Variants in SYT10 observed in about 807,000 individuals in gnomAD.
SYT10 encodes synaptotagmin 10.
Under a neutral mutation model 51.1 loss-of-function variants are expected in SYT10, and 31 were observed. That is an observed-to-expected ratio of 0.61 (90% CI 0.46 to 0.82). The LOEUF is 0.82. Among genes scored for constraint, SYT10 ranks in the 40% least tolerant of loss-of-function variants. The pLI is 0.00. For missense variants in SYT10, 603 were observed against 634.0 expected (o/e 0.95, Z 0.53); for synonymous variants, 233 against 225.9 (o/e 1.03, Z -0.28).
intron 3 of SYT10, among the ~76,000 whole-genome samples, chr12:33,393,845 G>A (rs80309378): frequency 0.038 from 5,820 of 152,208 alleles, 168 homozygotes; most frequent in Non-Finnish European, 0.064. Flanking sequence ...CCTGCCTCAT[G>A]TTTCATATAG....
chr12:33,408,846 C>G (rs1866381421), intron 2 of SYT10, among the ~76,000 whole-genome samples: 1 of 149,534 alleles, frequency 6.7e-6, no homozygotes, highest in African/African-American at 2.6e-5. Flanking sequence ...GTCACTCATG[C>G]TTCCAAGAAT....
chr12:33,381,841 A>G (rs1459828198), intron 5 of SYT10, among the ~76,000 whole-genome samples: 3 of 152,224 alleles, frequency 2.0e-5, no homozygotes, highest in Non-Finnish European at 4.4e-5. Context: ...GAAGGCATCA[A>G]AGCTGTATCC....
chr12:33,407,223 T>A lies in SYT10; in HGVS notation c.643A>T (p.Lys215Ter). ...SIGRIKPELY[K>*]QKSVDSEGNQ... Reference sequence around the variant, plus strand: ...CCCTCAGAGTCAACTGATTTCTGTTTGTAGAGTTCTGGCTTTATCCTCCCA... The same window carrying A: ...CCCTCAGAGTCAACTGATTTCTGTTAGTAGAGTTCTGGCTTTATCCTCCCA... The change falls in exon 3 of 7, where the codon AAA becomes TAA. Residue 215 changes from lysine (K) to a stop codon, truncating the protein, a stop_gained. Coordinates refer to ENST00000228567, the MANE Select transcript of SYT10 (RefSeq NM_198992.4). LOFTEE classifies it high-confidence loss of function. The A allele has an allele frequency of 6.2e-7, 1 of 1,614,202 alleles. No individual in the cohort carries two copies. The highest frequency in any genetic ancestry group is 8.5e-7 in the Non-Finnish European group (1 of 1,180,034).
At chr12:33,424,802 C>T (rs1452336336) in intron 2 of SYT10, among the ~76,000 whole-genome samples, 1 of 151,684 alleles carries the variant, frequency 6.6e-6, no homozygotes, top group Non-Finnish European at 1.5e-5. Flanking sequence ...AGTTACATTA[C>T]ATAAAGATCA....
rs1468849207 is a variant in SYT10 at position 33,379,981 on chromosome 12, A to G, written c.1371-20T>C. ...CCTACCCTATGATTTGTGGGATATTATATTTTCATTTCCAACATTCAAAGA... is the reference window on the plus strand; with the variant it reads ...CCTACCCTATGATTTGTGGGATATTGTATTTTCATTTCCAACATTCAAAGA... On this transcript the variant is annotated intron_variant, in intron 5 of 6. Coordinates refer to ENST00000228567, the MANE Select transcript of SYT10 (RefSeq NM_198992.4). 11 of 1,579,096 alleles carry G rather than the reference A, an allele frequency of 7.0e-6. No homozygotes were observed. The highest frequency in any genetic ancestry group is 1.8e-5 in the Admixed American group (1 of 55,468).
At chr12:33,378,953 G>A (rs980958388) in intron 6 of SYT10, among the ~76,000 whole-genome samples, 5 of 151,952 alleles carry the variant, frequency 3.3e-5, no homozygotes, top group South Asian at 4.2e-4. Context: ...AGATATTGAC[G>A]ATGACAGTTC....
chr12:33,436,733 G>C (rs1351579307), intron 1 of SYT10, among the ~76,000 whole-genome samples: 1 of 152,130 alleles, frequency 6.6e-6, no homozygotes, highest in Non-Finnish European at 1.5e-5. Flanking sequence ...GGAATTACCT[G>C]AATTTCTCTC....
chr12:33,399,932 C>T (rs1405263959), intron 3 of SYT10, among the ~76,000 whole-genome samples: 5 of 152,074 alleles, frequency 3.3e-5, no homozygotes, highest in Non-Finnish European at 7.4e-5. Flanking sequence ...CCAGGTTTAT[C>T]GCAGAGATGA....
intron 2 of SYT10, among the ~76,000 whole-genome samples, chr12:33,419,026 G>A (rs976951923): frequency 1.3e-5 from 2 of 151,996 alleles, no homozygotes; most frequent in Non-Finnish European, 2.9e-5. Context: ...ACGGGTTCTA[G>A]CTTCAGGGCC....
At chr12:33,419,951 A>T (rs1380083160) in intron 2 of SYT10, among the ~76,000 whole-genome samples, 1 of 152,200 alleles carries the variant, frequency 6.6e-6, no homozygotes, top group African/African-American at 2.4e-5. Flanking sequence ...CTAGAAGGTC[A>T]TGTGACCATA....
rs12300600 is a variant in SYT10, at chr12:33,377,872, C to A, written c.1501-971G>T. 8.5e-3 allele frequency among the ~76,000 whole-genome samples: 1,296 copies of A among 152,126 alleles called. 21 individuals carry two copies. The highest frequency in any genetic ancestry group is 0.03 in the African/African-American group (1,233 of 41,530). ...TGAACTCCTGACCTCAAGTGATCCA[C>A]CCGCCTCAGCCTCCCAAAGTGCTGG... On this transcript the variant is annotated intron_variant, in intron 6 of 6. Coordinates refer to ENST00000228567, the MANE Select transcript of SYT10 (RefSeq NM_198992.4).
intron 3 of SYT10, among the ~76,000 whole-genome samples, chr12:33,402,912 A>G (rs1866318658): frequency 6.6e-6 from 1 of 152,144 alleles, no homozygotes; most frequent in Admixed American, 6.5e-5. Flanking sequence ...TATAATTAGC[A>G]TGAAGAAGGA....
chr12:33,424,218 G>A (rs1396698617), intron 2 of SYT10, among the ~76,000 whole-genome samples: 6 of 152,114 alleles, frequency 3.9e-5, no homozygotes, highest in Non-Finnish European at 8.8e-5. Context: ...GCAAAAAGAA[G>A]TCTTTGCTCA....
intron 3 of SYT10, among the ~76,000 whole-genome samples, chr12:33,400,384 T>C (rs1219767101): frequency 4.6e-5 from 7 of 152,210 alleles, no homozygotes; most frequent in Admixed American, 3.9e-4. Context: ...TCCAATACTC[T>C]GAATTGCTGA....
At chr12:33,417,321 G>A (rs1390513322) in intron 2 of SYT10, among the ~76,000 whole-genome samples, 1 of 150,632 alleles carries the variant, frequency 6.6e-6, no homozygotes, top group African/African-American at 2.4e-5. Flanking sequence ...GGAGCTGCTG[G>A]CTTTATAAGA....
intron 3 of SYT10, among the ~76,000 whole-genome samples, chr12:33,387,044 T>C (rs1866162543): frequency 6.6e-6 from 1 of 152,156 alleles, no homozygotes; most frequent in Non-Finnish European, 1.5e-5. Flanking sequence ...CCATGCCTGG[T>C]AAGAAATTTG....
At chr12:33,389,422 T>C (rs1227024085) in intron 3 of SYT10, among the ~76,000 whole-genome samples, 1 of 152,106 alleles carries the variant, frequency 6.6e-6, no homozygotes, top group Non-Finnish European at 1.5e-5. Context: ...ATATCAAACA[T>C]GTAAAGTGCC....
chr12:33,417,240 A>G (rs1466001778), intron 2 of SYT10, among the ~76,000 whole-genome samples: 1 of 152,172 alleles, frequency 6.6e-6, no homozygotes, highest in African/African-American at 2.4e-5. Context: ...GCTCTGCCTC[A>G]TGAATGGATT....
intron 2 of SYT10, among the ~76,000 whole-genome samples, chr12:33,417,292 T>C (rs2138424829): frequency 6.6e-6 from 1 of 152,132 alleles, no homozygotes; most frequent in South Asian, 2.1e-4. Flanking sequence ...TTAATAGATT[T>C]GTGGATGATC....
Sources: gnomAD v4.1 joint callset for allele counts (sites outside exome capture counted in the v4.1 genomes callset) on GRCh38, gnomAD v4.1.1 for gene constraint, MANE v1.5 for transcripts, NCBI Gene and HGNC (gene_info 2026-07-23, HGNC 2026-07-21) for gene names.